The following FAM107B variants were observed in gnomAD, a reference collection of about 807,000 sequenced individuals.
FAM107B encodes the protein family with sequence similarity 107 member B.
A neutral mutation model predicts 31.5 loss-of-function variants in FAM107B; 21 were observed. That is an observed-to-expected ratio of 0.67 (90% CI 0.47 to 0.96). The LOEUF (loss-of-function observed/expected upper bound fraction) is 0.96. Among genes scored for constraint, FAM107B ranks in the 40% least tolerant of loss-of-function variants. The probability of loss-of-function intolerance (pLI) is 0.00; values close to 1 mark genes in which losing one functional copy is unlikely to be tolerated. For missense variants in FAM107B, 452 were observed against 377.1 expected, an observed-to-expected ratio of 1.20 and a Z score of -1.64; for synonymous variants, 157 against 141.5, an observed-to-expected ratio of 1.11 and a Z score of -0.78.
intron 1 of FAM107B, among the ~76,000 whole-genome samples, chr10:14,673,798 A>C (rs1161394175): frequency 5.9e-5 from 9 of 152,070 alleles, no homozygotes; most frequent in Non-Finnish European, 1.3e-4. Flanking sequence ...CTTCTTGATA[A>C]TCGCCATTTG....
intron 2 of FAM107B, among the ~76,000 whole-genome samples, chr10:14,631,584 T>C (rs1182606360): frequency 6.6e-6 from 1 of 152,182 alleles, no homozygotes; most frequent in Admixed American, 6.5e-5. Context: ...TCTACCACCA[T>C]GCCCCGCCCC....
At chr10:14,600,610 T>C (rs544138292) in intron 2 of FAM107B, among the ~76,000 whole-genome samples, 1 of 152,318 alleles carries the variant, frequency 6.6e-6, no homozygotes, top group Admixed American at 6.5e-5. Flanking sequence ...ACAATTTTTG[T>C]GTAATTTTGT....
chr10:14,536,689 C>T (rs1458903289), intron 2 of FAM107B, among the ~76,000 whole-genome samples: 1 of 152,158 alleles, frequency 6.6e-6, no homozygotes, highest in East Asian at 1.9e-4. Flanking sequence ...TTTCTGTGGC[C>T]ACCAACCTGG....
At chr10:14,705,136 G>C (rs1855491508) in intron 1 of FAM107B, among the ~76,000 whole-genome samples, 1 of 151,660 alleles carries the variant, frequency 6.6e-6, no homozygotes. Context: ...AATCATTAGG[G>C]AAATGTAAAT....
intron 2 of FAM107B, chr10:14,556,182 CA>C: frequency 5.3e-6 from 1 of 188,632 alleles, no homozygotes; most frequent in Non-Finnish European, 9.9e-6. Context: ...ACTCGATATA[CA>C]AAAACAGCAC....
chr10:14,719,713 CA>C lies in FAM107B; in HGVS notation c.412-52023del, dbSNP rs1290502168. On this transcript the variant is annotated intron_variant, in intron 1 of 4. Coordinates refer to ENST00000181796, the MANE Select transcript of FAM107B (RefSeq NM_031453.4). Reference sequence around the variant, plus strand: ...CTCTCTCTGCTTCGGGCAGCACTCCCAACAGTGGCTGTGTCTCCACTGTGGT... The same window carrying C: ...CTCTCTCTGCTTCGGGCAGCACTCCCACAGTGGCTGTGTCTCCACTGTGGT... 1.3e-4 allele frequency among the ~76,000 whole-genome samples: 20 copies of C among 152,214 alleles called. 1 individual carries two copies. The highest frequency in any genetic ancestry group is 2.4e-4 in the Non-Finnish European group (16 of 68,042).
rs566136797 is a variant in FAM107B, at chr10:14,688,054, C to G, written c.412-20363G>C. ...TCAATTTGGGTGGGCGCCATCTAATCAGCTGCCAGCACAGCTAGAAGAAAG... is the reference window on the plus strand; with the variant it reads ...TCAATTTGGGTGGGCGCCATCTAATGAGCTGCCAGCACAGCTAGAAGAAAG... On this transcript the variant is annotated intron_variant, in intron 1 of 4. Coordinates refer to ENST00000181796, the MANE Select transcript of FAM107B (RefSeq NM_031453.4). Among the ~76,000 whole-genome samples the G allele has an allele frequency of 8.3e-4, 127 of 152,290 alleles. 1 individual carries two copies. Among genetic ancestry groups the G allele is most frequent in the African/African-American group, 2.9e-3 (120 of 41,560 alleles).
intron 1 of FAM107B, among the ~76,000 whole-genome samples, chr10:14,690,833 T>C (rs1218955685): frequency 6.6e-6 from 1 of 152,170 alleles, no homozygotes; most frequent in Non-Finnish European, 1.5e-5. Flanking sequence ...GACTGATATA[T>C]AAGAAACAGA....
chr10:14,521,905 T>C lies in FAM107B; in HGVS notation c.768A>G (p.Glu256=). 1.9e-6 allele frequency: 3 copies of C among 1,614,186 alleles called. No homozygotes were observed. The South Asian group carries it at 3.3e-5, about 18-fold the overall frequency. Residue 256 remains glutamate (E), a synonymous_variant, in exon 4 of 5, where the codon GAA becomes GAG. Coordinates refer to ENST00000181796, the MANE Select transcript of FAM107B (RefSeq NM_031453.4). ...EEAQKKKSDL[E]IELLKRQQKL... ...TCTGCTGCCGTTTTAATAGCTCTAT[T>C]TCCAAGTCAGATTTCTTCTTCTGTG...
At chr10:14,762,789 CACACACACACACAA>C (rs1484749900) in intron 1 of FAM107B, among the ~76,000 whole-genome samples, 28 of 149,000 alleles carry the variant, frequency 1.9e-4, no homozygotes, top group African/African-American at 6.9e-4. Flanking sequence ...CACACACACA[CACACACACACACAA>C]AAAGAACATG....
At chr10:14,565,553 G>C (rs1306422592) in intron 2 of FAM107B, among the ~76,000 whole-genome samples, 1 of 152,196 alleles carries the variant, frequency 6.6e-6, no homozygotes, top group Non-Finnish European at 1.5e-5. Flanking sequence ...ATGTGTTACA[G>C]ACTCACTGCA....
intron 1 of FAM107B, among the ~76,000 whole-genome samples, chr10:14,678,302 TTC>T (rs1339298096): frequency 6.6e-6 from 1 of 152,234 alleles, no homozygotes; most frequent in Non-Finnish European, 1.5e-5. Flanking sequence ...TTCCCTTCCT[TTC>T]TTCCTCGGTG....
chr10:14,713,032 C>G (rs1588723378), intron 1 of FAM107B, among the ~76,000 whole-genome samples: 2 of 152,284 alleles, frequency 1.3e-5, no homozygotes, highest in Admixed American at 1.3e-4. Flanking sequence ...CTGCTCCTCC[C>G]CTCCCCTTTC....
At chr10:14,546,952 CACTCTA>C (rs1848750877) in intron 2 of FAM107B, among the ~76,000 whole-genome samples, 1 of 152,162 alleles carries the variant, frequency 6.6e-6, no homozygotes, top group African/African-American at 2.4e-5. Context: ...ACTGCATGGC[CACTCTA>C]ACTCTACTTT....
chr10:14,626,675 T>C (rs113137305), intron 2 of FAM107B, among the ~76,000 whole-genome samples: 4,831 of 152,100 alleles, frequency 0.032, 94 homozygotes, highest in African/African-American at 0.054. Context: ...GGCTAATTTT[T>C]TGTATTTTTA....
intron 2 of FAM107B, among the ~76,000 whole-genome samples, chr10:14,591,531 T>G (rs10737087): frequency 3.9e-5 from 6 of 152,188 alleles, no homozygotes; most frequent in African/African-American, 1.4e-4. Flanking sequence ...TCTCATCTCA[T>G]GCTCACTGCC....
chr10:14,673,261 C>T (rs1854602304), intron 1 of FAM107B, among the ~76,000 whole-genome samples: 1 of 152,168 alleles, frequency 6.6e-6, no homozygotes, highest in East Asian at 1.9e-4. Context: ...ATTTTGTACT[C>T]ATTAACCAAC....
chr10:14,750,722 G>A (rs921149127), intron 1 of FAM107B, among the ~76,000 whole-genome samples: 9 of 152,196 alleles, frequency 5.9e-5, no homozygotes, highest in African/African-American at 1.9e-4. Flanking sequence ...TGAGATGGGG[G>A]AATTGCTTGA....
At chr10:14,668,740 C>A (rs1351531897) in intron 1 of FAM107B, among the ~76,000 whole-genome samples, 1 of 152,136 alleles carries the variant, frequency 6.6e-6, no homozygotes, top group African/African-American at 2.4e-5. Flanking sequence ...AACCTTTAGG[C>A]AGGATACCTT....
Sources: gnomAD v4.1 joint callset for allele counts (sites outside exome capture counted in the v4.1 genomes callset) on GRCh38, gnomAD v4.1.1 for gene constraint, MANE v1.5 for transcripts, NCBI Gene and HGNC (gene_info 2026-07-23, HGNC 2026-07-21) for gene names.